DOCK3: variants seen among roughly 807,000 people sequenced by gnomAD.
DOCK3 encodes dedicator of cytokinesis protein 3.
DOCK3 carries 60 observed loss-of-function variants against 265.6 expected under a neutral mutation model. That is an observed-to-expected ratio of 0.23 (90% CI 0.18 to 0.28). The LOEUF is 0.28. DOCK3 is among the 10% of genes least tolerant of loss of function. DOCK3 has a pLI of 1.00. For missense variants in DOCK3, 1,981 were observed against 2,594.3 expected (o/e 0.76, Z 5.14); for synonymous variants, 881 against 938.0 (o/e 0.94, Z 1.11).
chr3:50,889,581 A>G (rs2048544939), intron 3 of DOCK3, among the ~76,000 whole-genome samples: 1 of 151,944 alleles, frequency 6.6e-6, no homozygotes, highest in Non-Finnish European at 1.5e-5. Context: ...AAGTTCTTGA[A>G]TTGATTCACT....
At chr3:50,982,672 G>T (rs1435611325) in intron 5 of DOCK3, among the ~76,000 whole-genome samples, 1 of 152,214 alleles carries the variant, frequency 6.6e-6, no homozygotes, top group African/African-American at 2.4e-5. Flanking sequence ...CGGAGCCAGC[G>T]GGAGCCAGGG....
intron 4 of DOCK3, among the ~76,000 whole-genome samples, chr3:50,921,576 C>T (rs896347239): frequency 2.0e-5 from 3 of 152,216 alleles, no homozygotes; most frequent in Admixed American, 6.5e-5. Context: ...CATTCTCCAT[C>T]CAGCTTTGTT....
At chr3:51,016,183 CAT>C (rs1250457383) in intron 5 of DOCK3, among the ~76,000 whole-genome samples, 1 of 8,176 alleles carries the variant, frequency 1.2e-4, no homozygotes, top group African/African-American at 8.7e-4. Context: ...TGATATATAT[CAT>C]ATATTTCTAC....
At chr3:50,940,424 A>G (rs1356534742) in intron 5 of DOCK3, among the ~76,000 whole-genome samples, 1 of 152,166 alleles carries the variant, frequency 6.6e-6, no homozygotes, top group Non-Finnish European at 1.5e-5. Flanking sequence ...GAGAGGCAGT[A>G]TGCTCACGGA....
chr3:51,363,187 T>A (rs1175882851), intron 49 of DOCK3, among the ~76,000 whole-genome samples: 2 of 152,256 alleles, frequency 1.3e-5, no homozygotes, highest in Non-Finnish European at 2.9e-5. Flanking sequence ...TATTAGTTGA[T>A]TTCTTGTTCA....
rs1287116340 is a variant in DOCK3, at chr3:51,374,783, G to A, written c.5412+196G>A. The stretch of plus-strand genomic sequence containing the variant: ...CCAGCAATCCAGACAGAGTGTAGGC[G>A]TGAGTAGAATGGTGGCAGGAACCAC... On this transcript the variant is annotated intron_variant, in intron 50 of 52. Transcript: ENST00000266037. This position sits in a 1 kb window ranked among gnomAD's most constrained non-coding sequence, Gnocchi z 4.8. Among the ~76,000 whole-genome samples the A allele has an allele frequency of 3.9e-5, 6 of 152,316 alleles. No individual in the cohort carries two copies. In the East Asian group the frequency reaches 5.8e-4, roughly 15 times the overall value.
chr3:51,143,190 A>G (rs1400332238), intron 9 of DOCK3, among the ~76,000 whole-genome samples: 4 of 150,752 alleles, frequency 2.7e-5, no homozygotes, highest in African/African-American at 7.3e-5. Flanking sequence ...CCCGGCTGGT[A>G]TATTCATTCT....
At chr3:51,160,006 C>T (rs1313962384) in intron 11 of DOCK3, among the ~76,000 whole-genome samples, 2 of 152,208 alleles carry the variant, frequency 1.3e-5, no homozygotes, top group African/African-American at 4.8e-5. Flanking sequence ...AAGGTTCCAG[C>T]ATTTGCAAGT....
At chr3:51,286,761 G>C (rs952070131) in intron 27 of DOCK3, among the ~76,000 whole-genome samples, 5 of 152,200 alleles carry the variant, frequency 3.3e-5, no homozygotes, top group Admixed American at 6.5e-5. Flanking sequence ...TAACTGGCTA[G>C]CCATATGCAG....
At chr3:51,157,551 A>G (rs1024894209) in intron 10 of DOCK3, among the ~76,000 whole-genome samples, 2 of 152,062 alleles carry the variant, frequency 1.3e-5, no homozygotes, top group South Asian at 2.1e-4. Flanking sequence ...TGGCCCACAT[A>G]TTACTTCTTA....
chr3:51,116,827 T>C (rs1004581572), intron 9 of DOCK3, among the ~76,000 whole-genome samples: 16 of 152,386 alleles, frequency 1.0e-4, no homozygotes, highest in African/African-American at 3.6e-4. Flanking sequence ...CCTGAGACTT[T>C]GCTGAAGTTG....
chr3:51,097,312 G>C (rs1012620537), intron 9 of DOCK3, among the ~76,000 whole-genome samples: 3 of 152,174 alleles, frequency 2.0e-5, no homozygotes, highest in Non-Finnish European at 2.9e-5. Flanking sequence ...TCCCAGAGTG[G>C]AGGAATCTAG....
At chr3:50,788,285 T>G in intron 2 of DOCK3, 1 of 456,216 alleles carries the variant, frequency 2.2e-6, no homozygotes, top group East Asian at 5.0e-5. Flanking sequence ...GTGTGCCTCA[T>G]TGGTAAATGA....
At chr3:51,337,063 G>A (rs1475759762) in intron 35 of DOCK3, among the ~76,000 whole-genome samples, 1 of 152,144 alleles carries the variant, frequency 6.6e-6, no homozygotes, top group Non-Finnish European at 1.5e-5. Flanking sequence ...GCAGAGGGAT[G>A]TTCAGGACCC....
intron 25 of DOCK3, 111 bp downstream of exon 25, chr3:51,275,317 C>A: frequency 6.7e-7 from 1 of 1,496,102 alleles, no homozygotes; most frequent in Non-Finnish European, 9.1e-7. Flanking sequence ...GTCACAGATG[C>A]TTTCATCAGT....
intron 5 of DOCK3, among the ~76,000 whole-genome samples, chr3:51,059,160 T>G (rs1434170991): frequency 6.6e-6 from 1 of 152,164 alleles, no homozygotes; most frequent in Non-Finnish European, 1.5e-5. Flanking sequence ...AGCTCCCACT[T>G]GTAAATGAGA....
At chr3:51,314,654 A>C (rs1576767252) in intron 31 of DOCK3, among the ~76,000 whole-genome samples, 1 of 152,360 alleles carries the variant, frequency 6.6e-6, no homozygotes, top group East Asian at 1.9e-4. Flanking sequence ...TGACACTCAT[A>C]GGTTACTCAG....
intron 2 of DOCK3, among the ~76,000 whole-genome samples, chr3:50,792,815 C>T (rs1389711590): frequency 6.6e-6 from 1 of 152,142 alleles, no homozygotes; most frequent in African/African-American, 2.4e-5. Flanking sequence ...TGATGTGCTG[C>T]TGGATTTGGT....
intron 19 of DOCK3, among the ~76,000 whole-genome samples, chr3:51,233,316 T>A (rs4608687): frequency 0.097 from 6,847 of 70,332 alleles, 342 homozygotes; most frequent in African/African-American, 0.16. Context: ...TATTCTTTCT[T>A]TCTATCTATC....
Sources: gnomAD v4.1 joint callset for allele counts (sites outside exome capture counted in the v4.1 genomes callset) on GRCh38, gnomAD v4.1.1 for gene constraint, Gnocchi (gnomAD v3.1) non-coding constraint, MANE v1.5 for transcripts, NCBI Gene and HGNC (gene_info 2026-07-23, HGNC 2026-07-21) for gene names.